MAP4K5: variants seen among roughly 807,000 people sequenced by gnomAD.
MAP4K5 encodes mitogen-activated protein kinase kinase kinase kinase 5.
MAP4K5 carries 82 observed loss-of-function variants against 135.6 expected under a neutral mutation model. The ratio of observed to expected loss-of-function variants is 0.60; its 90% CI spans 0.51 to 0.73. MAP4K5 has a LOEUF of 0.73. Ranked by LOEUF, MAP4K5 falls within the 30% of genes least tolerant of loss-of-function variation. The pLI, the probability that MAP4K5 is intolerant of heterozygous loss-of-function variation, is 0.00. For synonymous variants in MAP4K5, 347 were observed against 335.0 expected (o/e 1.04, Z -0.39); for missense variants, 907 against 1,010.9 (o/e 0.90, Z 1.39).
At chr14:50,483,931 G>C (rs2037309600) in intron 5 of MAP4K5, among the ~76,000 whole-genome samples, 1 of 151,686 alleles carries the variant, frequency 6.6e-6, no homozygotes, top group Non-Finnish European at 1.5e-5. Context: ...CGTGATCTTG[G>C]TTCACTGCAA....
Position 50,486,110 on chromosome 14 carries a change from T to C in MAP4K5, c.251A>G (p.Tyr84Cys). The change falls in exon 4 of 33, where the codon TAT (tyrosine) becomes TGT (cysteine). Residue 84 changes from tyrosine (Y) to cysteine (C), a missense_variant. Tyr to Cys is a radical substitution (Grantham distance 194). Transcript: ENST00000682126. ...HCNIVAYFGS[Y>C]LSREKLWICM... is the part of the protein sequence containing the mutation. ...ATGCTTTTTTTTCTCTTACCTAAGA[T>C]AACTCCCAAAGTAGGCAACGATGTT... 1.6e-6 allele frequency: 2 copies of C among 1,281,938 alleles called. No individual in the cohort carries two copies. The highest frequency in any genetic ancestry group is 2.2e-6 in the Non-Finnish European group (2 of 915,892). The allele number at this position is 1,281,938 out of a possible 1,614,324, so 79.4% of individuals were successfully genotyped here. A position where few individuals can be genotyped will look rare whatever the true frequency, so the allele number is the denominator to read the frequency against.
chr14:50,425,566 A>G (rs556900081), intron 31 of MAP4K5, among the ~76,000 whole-genome samples: 14 of 152,326 alleles, frequency 9.2e-5, no homozygotes, highest in African/African-American at 2.9e-4. Flanking sequence ...ATTTTAAAAT[A>G]TATTTAAAAA....
At chr14:50,434,349 T>C in intron 28 of MAP4K5, 45 bp downstream of exon 28, 1 of 1,488,080 alleles carries the variant, frequency 6.7e-7, no homozygotes, top group Non-Finnish European at 9.1e-7. Flanking sequence ...GCTTCTTTTA[T>C]AGGCAAAAAT....
intron 10 of MAP4K5, among the ~76,000 whole-genome samples, chr14:50,467,714 T>C (rs2139834389): frequency 6.6e-6 from 1 of 152,232 alleles, no homozygotes; most frequent in South Asian, 2.1e-4. Flanking sequence ...GTATTGCCCA[T>C]AACAAATAAC....
upstream of MAP4K5, among the ~76,000 whole-genome samples, chr14:50,534,095 A>G (rs370398229): frequency 1.3e-5 from 2 of 152,192 alleles, no homozygotes; most frequent in East Asian, 3.8e-4. Context: ...GTATCTTAGC[A>G]CTTGTTTACT....
chr14:50,458,617 T>C (rs2036642301), intron 13 of MAP4K5, among the ~76,000 whole-genome samples: 1 of 152,144 alleles, frequency 6.6e-6, no homozygotes, highest in African/African-American at 2.4e-5. Flanking sequence ...CTTTCAATGT[T>C]CCTTATCAAT....
intron 2 of MAP4K5, among the ~76,000 whole-genome samples, chr14:50,530,712 T>C (rs1310816658): frequency 2.6e-5 from 4 of 152,174 alleles, no homozygotes. Flanking sequence ...TTGCTCACAA[T>C]TCATCACCTC....
rs778824023 is a variant in MAP4K5 at position 50,434,951 on chromosome 14, A to G, written c.1986+11T>C. ...TCTAAAGGAAAAAAATGTGAACAAA[A>G]TAATATATACCTTTATCAACATGAA... On this transcript the variant is annotated intron_variant, in intron 27 of 32. Transcript: ENST00000682126. 3.9e-6 allele frequency: 6 copies of G among 1,556,508 alleles called. No homozygotes were observed. Among genetic ancestry groups the G allele is most frequent in the East Asian group, 4.5e-5 (2 of 44,454 alleles).
At chr14:50,475,762 A>G (rs2037082923) in intron 8 of MAP4K5, among the ~76,000 whole-genome samples, 1 of 152,192 alleles carries the variant, frequency 6.6e-6, no homozygotes, top group Non-Finnish European at 1.5e-5. Flanking sequence ...CTAAATAAAT[A>G]TACAGTCCAT....
intron 2 of MAP4K5, among the ~76,000 whole-genome samples, chr14:50,529,748 T>C (rs937067249): frequency 3.3e-5 from 5 of 151,392 alleles, no homozygotes; most frequent in Admixed American, 2.6e-4. Context: ...AGCCATATAG[T>C]GGGGGGCGGT....
At chr14:50,513,755 C>G (rs2037976803) in intron 2 of MAP4K5, among the ~76,000 whole-genome samples, 1 of 152,202 alleles carries the variant, frequency 6.6e-6, no homozygotes, top group South Asian at 2.1e-4. Flanking sequence ...GGTCACAAAA[C>G]TTTTCCATTA....
At position 50,428,819 on chromosome 14, in the gene MAP4K5, T is replaced by C. The variant is rs944269931; in HGVS notation, c.2234-65A>G. The C allele has an allele frequency of 3.8e-6, 3 of 781,456 alleles. 1 individual carries two copies. In the South Asian group the frequency reaches 5.1e-5, roughly 13 times the overall value. 48.4% of individuals were successfully genotyped at this position (781,456 alleles called of 1,614,324 possible). ...CTGCTAAAATAAATGTAACTTGATA[T>C]ATGTGGATTTTACATGGATATCAAA... is the stretch of plus-strand genomic sequence containing the variant. On this transcript the variant is annotated intron_variant, in intron 29 of 32. Coordinates refer to ENST00000682126, the MANE Select transcript of MAP4K5 (RefSeq NM_006575.6).
intron 19 of MAP4K5, 83 bp from the exon 20 acceptor site, chr14:50,443,853 G>T: frequency 6.8e-7 from 1 of 1,464,964 alleles, no homozygotes; most frequent in South Asian, 1.2e-5. Flanking sequence ...TCTGTTACTT[G>T]AATTACTGAA....
At chr14:50,442,504 T>C (rs371180748) in intron 21 of MAP4K5, among the ~76,000 whole-genome samples, 26 of 152,086 alleles carry the variant, frequency 1.7e-4, no homozygotes, top group East Asian at 1.5e-3. Flanking sequence ...ATGCAATCAG[T>C]TGTGATTTCT....
chr14:50,426,931 T>G (rs1640138023), intron 30 of MAP4K5, among the ~76,000 whole-genome samples: 1 of 152,176 alleles, frequency 6.6e-6, no homozygotes, highest in African/African-American at 2.4e-5. Context: ...TATTAGACTA[T>G]TAACTTTTTG....
chr14:50,443,501 T>C (rs2036273229), intron 20 of MAP4K5, among the ~76,000 whole-genome samples: 1 of 152,218 alleles, frequency 6.6e-6, no homozygotes, highest in Admixed American at 6.5e-5. Flanking sequence ...TAGGCCTTTG[T>C]AGGCTAATCT....
chr14:50,448,423 G>A (rs533857983), intron 15 of MAP4K5, among the ~76,000 whole-genome samples: 1 of 151,574 alleles, frequency 6.6e-6, no homozygotes, highest in South Asian at 2.1e-4. Context: ...TTAAAAAATA[G>A]TAAGGCAATA....
At chr14:50,526,281 T>C (rs1232521645) in intron 2 of MAP4K5, among the ~76,000 whole-genome samples, 1 of 152,214 alleles carries the variant, frequency 6.6e-6, no homozygotes, top group Admixed American at 6.5e-5. Flanking sequence ...TACCAAATTA[T>C]GACTGCTTAC....
intron 2 of MAP4K5, among the ~76,000 whole-genome samples, chr14:50,531,354 C>T (rs2038382997): frequency 6.6e-6 from 1 of 152,138 alleles, no homozygotes; most frequent in Non-Finnish European, 1.5e-5. Flanking sequence ...AAAACAAAAC[C>T]CAGCAAGTTA....
Sources: allele counts gnomAD v4.1 joint callset (sites outside exome capture counted in the v4.1 genomes callset), GRCh38; gene constraint gnomAD v4.1.1; transcripts MANE v1.5; gene names NCBI Gene and HGNC (gene_info 2026-07-23, HGNC 2026-07-21).